The following CDH18 variants were observed in gnomAD, a reference collection of about 807,000 sequenced individuals.
CDH18 encodes cadherin-18.
CDH18 carries 31 observed loss-of-function variants against 67.9 expected under a neutral mutation model. That is an observed-to-expected ratio of 0.46 (90% CI 0.34 to 0.62). CDH18 has a LOEUF of 0.62. Ranked by LOEUF, CDH18 falls within the 20% of genes least tolerant of loss-of-function variation. CDH18 has a pLI of 0.01. For missense variants in CDH18, 890 were observed against 975.5 expected (o/e 0.91, Z 1.17); for synonymous variants, 362 against 347.2 (o/e 1.04, Z -0.48).
intron 6 of CDH18, among the ~76,000 whole-genome samples, chr5:19,603,859 T>C (rs1284064363): frequency 6.7e-6 from 1 of 149,892 alleles, no homozygotes; most frequent in Non-Finnish European, 1.5e-5. Context: ...ATATATAAAT[T>C]ATGTTCTAAC....
chr5:19,692,371 A>G (rs535145551), intron 5 of CDH18, among the ~76,000 whole-genome samples: 1 of 152,292 alleles, frequency 6.6e-6, no homozygotes, highest in Admixed American at 6.5e-5. Context: ...CAAAATCAAA[A>G]ATAGACAAAT....
chr5:20,538,855 C>T (rs772836735), intron 1 of CDH18, among the ~76,000 whole-genome samples: 3 of 147,206 alleles, frequency 2.0e-5, no homozygotes, highest in Non-Finnish European at 4.5e-5. Context: ...ATTGAGGTGG[C>T]CTCATTTTCA....
At chr5:19,637,497 A>T (rs991538913) in intron 5 of CDH18, among the ~76,000 whole-genome samples, 18 of 152,274 alleles carry the variant, frequency 1.2e-4, no homozygotes, top group African/African-American at 4.1e-4. Flanking sequence ...TCTTTGGCCA[A>T]AAGCTATTTA....
At chr5:20,112,985 T>C (rs1298020649) in intron 2 of CDH18, among the ~76,000 whole-genome samples, 1 of 152,330 alleles carries the variant, frequency 6.6e-6, no homozygotes, top group South Asian at 2.1e-4. Flanking sequence ...AAAATTCTCA[T>C]GAAAAGAAGG....
At chr5:20,018,278 T>C (rs1184658562) in intron 2 of CDH18, among the ~76,000 whole-genome samples, 1 of 152,184 alleles carries the variant, frequency 6.6e-6, no homozygotes, top group Non-Finnish European at 1.5e-5. Context: ...TGTATTACAT[T>C]GATACAGGTA....
intron 1 of CDH18, among the ~76,000 whole-genome samples, chr5:20,569,268 C>A (rs1027292030): frequency 6.6e-6 from 1 of 152,200 alleles, no homozygotes; most frequent in Non-Finnish European, 1.5e-5. Flanking sequence ...GACATTAAAA[C>A]ATTTTCAAAA....
intron 2 of CDH18, among the ~76,000 whole-genome samples, chr5:20,020,544 G>T (rs1033531437): frequency 6.6e-6 from 1 of 152,104 alleles, no homozygotes; most frequent in Non-Finnish European, 1.5e-5. Flanking sequence ...AGCTGCTCCA[G>T]CTCCAGCCAT....
chr5:19,832,497 T>C (rs142605818), intron 3 of CDH18, among the ~76,000 whole-genome samples: 135 of 152,248 alleles, frequency 8.9e-4, no homozygotes, highest in East Asian at 2.7e-3. Context: ...TTCTCAGCTT[T>C]TTGGAGTTAT....
At chr5:20,494,980 G>A (rs1753821784) in intron 1 of CDH18, among the ~76,000 whole-genome samples, 1 of 152,116 alleles carries the variant, frequency 6.6e-6, no homozygotes, top group Admixed American at 6.6e-5. Flanking sequence ...TAGGTTTAAG[G>A]TCTCTGTTAG....
chr5:19,488,129 T>C (rs919709177), intron 11 of CDH18, among the ~76,000 whole-genome samples: 2 of 152,190 alleles, frequency 1.3e-5, no homozygotes, highest in Non-Finnish European at 2.9e-5. Flanking sequence ...CCTTGCAGGA[T>C]AGACTTTAAT....
rs200079991 is a variant in CDH18, at chr5:20,065,643, G to A, written c.-517-73629C>T. ...GCCCAGAACACTTACATTTGCCTACGTTTGGGCAAAATCATCAAACTCAAA... is the reference window on the plus strand; with the variant it reads ...GCCCAGAACACTTACATTTGCCTACATTTGGGCAAAATCATCAAACTCAAA... On this transcript the variant is annotated intron_variant, in intron 2 of 14. Coordinates refer to the CDH18 transcript ENST00000507958. Among the ~76,000 whole-genome samples, 77 of 152,028 alleles carry A rather than the reference G, an allele frequency of 5.1e-4. 2 individuals carry two copies. The East Asian group carries it at 8.3e-3, about 16-fold the overall frequency.
At chr5:20,447,007 A>C (rs886114778) in intron 1 of CDH18, among the ~76,000 whole-genome samples, 1 of 152,206 alleles carries the variant, frequency 6.6e-6, no homozygotes, top group South Asian at 2.1e-4. Flanking sequence ...TTTGCTTTAT[A>C]GAGATAGCTC....
chr5:20,319,859 C>A (rs1737835009), intron 1 of CDH18, among the ~76,000 whole-genome samples: 1 of 152,186 alleles, frequency 6.6e-6, no homozygotes, highest in African/African-American at 2.4e-5. Context: ...GTATGCAGCT[C>A]CGTCTCCCAC....
At chr5:20,534,959 G>A (rs893443212) in intron 1 of CDH18, among the ~76,000 whole-genome samples, 1 of 151,792 alleles carries the variant, frequency 6.6e-6, no homozygotes. Flanking sequence ...TTGTTCTTAA[G>A]GCTCGCATTT....
At chr5:19,718,895 T>C (rs990593834) in intron 5 of CDH18, among the ~76,000 whole-genome samples, 5 of 152,040 alleles carry the variant, frequency 3.3e-5, no homozygotes, top group Non-Finnish European at 5.9e-5. Flanking sequence ...TGTTGTTTAA[T>C]AAGGTACTCA....
chr5:20,563,467 G>A (rs1342829900), intron 1 of CDH18, among the ~76,000 whole-genome samples: 1 of 130,440 alleles, frequency 7.7e-6, no homozygotes, highest in Non-Finnish European at 1.6e-5. Context: ...ATTGTTGACA[G>A]TTAAATTGTT....
At chr5:19,491,361 A>G (rs1473093353) in intron 11 of CDH18, among the ~76,000 whole-genome samples, 1 of 152,210 alleles carries the variant, frequency 6.6e-6, no homozygotes, top group African/African-American at 2.4e-5. Flanking sequence ...GTGGATAAAA[A>G]CAAAATTTTA....
At chr5:19,681,780 T>A (rs1412102508) in intron 5 of CDH18, among the ~76,000 whole-genome samples, 1 of 151,974 alleles carries the variant, frequency 6.6e-6, no homozygotes, top group East Asian at 1.9e-4. Context: ...CCTAACCTGT[T>A]ATAGAATATT....
At chr5:19,696,252 TGTGTGTGTGC>T (rs56400227) in intron 5 of CDH18, among the ~76,000 whole-genome samples, 30,770 of 94,090 alleles carry the variant, frequency 0.33, 3,529 homozygotes, top group South Asian at 0.43. Context: ...TGTGTGTGTG[TGTGTGTGTGC>T]GTATTTTTTA....
Sources: gnomAD v4.1 joint callset for allele counts (sites outside exome capture counted in the v4.1 genomes callset) on GRCh38, gnomAD v4.1.1 for gene constraint, MANE v1.5 for transcripts, NCBI Gene and HGNC (gene_info 2026-07-23, HGNC 2026-07-21) for gene names.